GRIK1: variants seen among roughly 807,000 people sequenced by gnomAD.
GRIK1 encodes the protein glutamate ionotropic receptor kainate type subunit 1, also known as glutamate receptor ionotropic, kainate 1.
GRIK1 carries 69 observed loss-of-function variants against 105.7 expected under a neutral mutation model. The ratio of observed to expected loss-of-function variants is 0.65; its 90% confidence interval spans 0.54 to 0.80. The LOEUF is 0.80. GRIK1 is among the 30% of genes least tolerant of loss of function. GRIK1 has a pLI of 0.00. For synonymous variants in GRIK1, 438 were observed against 431.3 expected (o/e 1.02, Z -0.19); for missense variants, 1,109 against 1,167.3 (o/e 0.95, Z 0.73).
chr21:29,927,758 C>A (rs983788349), intron 1 of GRIK1, among the ~76,000 whole-genome samples: 24 of 152,074 alleles, frequency 1.6e-4, no homozygotes, highest in Middle Eastern at 3.4e-3. Flanking sequence ...GTAGTCCCAG[C>A]TACTTAGGAT....
At chr21:29,747,402 T>A (rs1364840397) in intron 1 of GRIK1, among the ~76,000 whole-genome samples, 2 of 152,196 alleles carry the variant, frequency 1.3e-5, no homozygotes, top group African/African-American at 4.8e-5. Context: ...TCTCTTTACA[T>A]GATCAGGAAG....
intron 1 of GRIK1, among the ~76,000 whole-genome samples, chr21:29,872,713 G>A (rs941523437): frequency 1.1e-4 from 17 of 152,182 alleles, no homozygotes; most frequent in African/African-American, 4.1e-4. Context: ...TATGGTGGCA[G>A]GCAAAAGAGA....
intron 14 of GRIK1, among the ~76,000 whole-genome samples, chr21:29,575,781 A>G (rs2090877511): frequency 6.6e-6 from 1 of 152,140 alleles, no homozygotes; most frequent in South Asian, 2.1e-4. Context: ...GCAGCGAGCC[A>G]AGATCGCGCC....
chr21:29,768,108 T>C (rs1569069907), intron 1 of GRIK1, among the ~76,000 whole-genome samples: 1 of 152,294 alleles, frequency 6.6e-6, no homozygotes, highest in East Asian at 1.9e-4. Context: ...AAGGTGTTTA[T>C]ACGGGAAAAT....
At chr21:29,675,390 A>T (rs185530386) in intron 3 of GRIK1, among the ~76,000 whole-genome samples, 1 of 151,900 alleles carries the variant, frequency 6.6e-6, no homozygotes, top group African/African-American at 2.4e-5. Flanking sequence ...TTTCATGACC[A>T]TGACCACAAG....
At chr21:29,774,695 C>G (rs1333650195) in intron 1 of GRIK1, among the ~76,000 whole-genome samples, 5 of 152,054 alleles carry the variant, frequency 3.3e-5, no homozygotes, top group Admixed American at 3.3e-4. Context: ...TGTGATCCAC[C>G]TGCCTCGGCC....
chr21:29,636,938 T>A (rs2062409736), intron 7 of GRIK1, among the ~76,000 whole-genome samples: 1 of 152,176 alleles, frequency 6.6e-6, no homozygotes, highest in African/African-American at 2.4e-5. Flanking sequence ...CCACATAGGA[T>A]CACTCCATCT....
chr21:29,696,977 C>G (rs765729810), intron 1 of GRIK1, among the ~76,000 whole-genome samples: 3 of 152,168 alleles, frequency 2.0e-5, no homozygotes, highest in Non-Finnish European at 4.4e-5. Flanking sequence ...CACTTTATAA[C>G]ATTCAAGGCA....
At chr21:29,823,608 G>A (rs2067365605) in intron 1 of GRIK1, among the ~76,000 whole-genome samples, 3 of 151,796 alleles carry the variant, frequency 2.0e-5, no homozygotes, top group Admixed American at 6.6e-5. Context: ...AATGTAGAAG[G>A]AGGAAAATTT....
chr21:29,824,021 G>A (rs2067377199), intron 1 of GRIK1, among the ~76,000 whole-genome samples: 1 of 151,934 alleles, frequency 6.6e-6, no homozygotes. Flanking sequence ...AGATATAATG[G>A]GGCAAGGTCA....
At chr21:29,830,060 T>A (rs2067582494) in intron 1 of GRIK1, among the ~76,000 whole-genome samples, 1 of 152,134 alleles carries the variant, frequency 6.6e-6, no homozygotes, top group African/African-American at 2.4e-5. Context: ...TTTTGTGAAA[T>A]CTGACACCAT....
rs1448155538 is a variant in GRIK1, at chr21:29,591,132, G to A, written c.1345C>T (p.Leu449Phe). The A allele has an allele frequency of 1.9e-6, 3 of 1,588,896 alleles. No homozygotes were observed. The African/African-American group carries it at 4.0e-5, about 21-fold the overall frequency. ...CTTACCAGAATGGTGGTGACAATGA[G>A]TGTTCTGTTGGCCAATGAATCAGTG... ...NITDSLANRT[L>F]IVTTILEEPY... Residue 449 changes from leucine to phenylalanine, a missense_variant, in exon 10 of 18, where the codon CTC (leucine) becomes TTC (phenylalanine). Physicochemically the swap from Leu to Phe is conservative, Grantham distance 22 (BLOSUM62 0). Transcript: ENST00000327783.
At chr21:29,939,336 C>A (rs1222305676) in intron 1 of GRIK1, 47 bp downstream of exon 1, 1 of 1,131,910 alleles carries the variant, frequency 8.8e-7, no homozygotes, top group Admixed American at 2.0e-5. Flanking sequence ...CGCGTTGGTG[C>A]GGCGACCGAC....
chr21:29,792,772 C>A (rs2145826403), intron 1 of GRIK1, among the ~76,000 whole-genome samples: 1 of 152,310 alleles, frequency 6.6e-6, no homozygotes, highest in Non-Finnish European at 1.5e-5. Context: ...TATTCCTATT[C>A]ATGATGCGAC....
At chr21:29,868,188 G>A (rs1250148105) in intron 1 of GRIK1, among the ~76,000 whole-genome samples, 4 of 152,196 alleles carry the variant, frequency 2.6e-5, no homozygotes, top group Non-Finnish European at 5.9e-5. Flanking sequence ...GCATTGTATA[G>A]CTTCCAGAAT....
At chr21:29,717,516 G>T (rs896701702) in intron 1 of GRIK1, among the ~76,000 whole-genome samples, 1 of 152,240 alleles carries the variant, frequency 6.6e-6, no homozygotes, top group Non-Finnish European at 1.5e-5. Context: ...GAGTCAAAGG[G>T]GATCATTTTG....
chr21:29,870,468 C>G (rs1024388950), intron 1 of GRIK1, among the ~76,000 whole-genome samples: 22 of 151,480 alleles, frequency 1.5e-4, no homozygotes, highest in Non-Finnish European at 2.9e-5. Flanking sequence ...ACTTATTTTA[C>G]ACTAAATAAA....
intron 16 of GRIK1, among the ~76,000 whole-genome samples, chr21:29,538,894 CT>C (rs1180029431): frequency 6.6e-6 from 1 of 151,982 alleles, no homozygotes; most frequent in Non-Finnish European, 1.5e-5. Context: ...TAAATTTTTT[CT>C]ACTTGATTTC....
intron 1 of GRIK1, among the ~76,000 whole-genome samples, chr21:29,845,148 T>G (rs762844319): frequency 6.6e-6 from 1 of 152,194 alleles, no homozygotes; most frequent in South Asian, 2.1e-4. Flanking sequence ...TGGGTGCCTA[T>G]CTAGAATCAC....
Sources: allele counts gnomAD v4.1 joint callset (sites outside exome capture counted in the v4.1 genomes callset), GRCh38; gene constraint gnomAD v4.1.1; transcripts MANE v1.5; gene names NCBI Gene and HGNC (gene_info 2026-07-23, HGNC 2026-07-21).